OPRK1: variants seen among roughly 807,000 people sequenced by gnomAD.
OPRK1 encodes the protein kappa-type opioid receptor.
OPRK1 carries 15 observed loss-of-function variants against 24.5 expected under a neutral mutation model. The observed-to-expected ratio is 0.61, with a 90% CI of 0.41 to 0.94. The LOEUF (loss-of-function observed/expected upper bound fraction) is 0.94, where lower values mean the gene tolerates loss of function less well. Ranked by LOEUF, OPRK1 falls within the 40% of genes least tolerant of loss-of-function variation. The pLI is 0.00. For missense variants in OPRK1, 479 were observed against 507.3 expected, an observed-to-expected ratio of 0.94 and a Z score of 0.54; for synonymous variants, 205 against 198.0, an observed-to-expected ratio of 1.04 and a Z score of -0.30.
intron 3 of OPRK1, among the ~76,000 whole-genome samples, chr8:53,232,806 A>G (rs1011946104): frequency 6.6e-6 from 1 of 152,232 alleles, no homozygotes; most frequent in African/African-American, 2.4e-5. Flanking sequence ...TTTGTTAAGA[A>G]TAATTGTTTC....
chr8:53,238,729 A>AG (rs1807051422), intron 2 of OPRK1: 85 of 985,254 alleles, frequency 8.6e-5, no homozygotes, highest in Non-Finnish European at 9.8e-5. Context: ...ATCTGCTGAG[A>AG]TGTCAGGAAC....
intron 2 of OPRK1, among the ~76,000 whole-genome samples, chr8:53,247,307 G>A (rs2128810388): frequency 6.6e-6 from 1 of 152,288 alleles, no homozygotes. Context: ...CAATGGTCAG[G>A]CCACTGGCAT....
chr8:53,232,112 C>G (rs1402680166), intron 3 of OPRK1, among the ~76,000 whole-genome samples: 1 of 151,924 alleles, frequency 6.6e-6, no homozygotes, highest in African/African-American at 2.4e-5. Context: ...TCACATTATG[C>G]TAAGGGGATC....
chr8:53,230,085 C>G (rs1018862645), intron 3 of OPRK1, among the ~76,000 whole-genome samples: 1 of 151,446 alleles, frequency 6.6e-6, no homozygotes, highest in African/African-American at 2.4e-5. Context: ...TTAAGATTAG[C>G]TGACAATCTT....
Position 53,229,039 on chromosome 8 carries a change from T to C in OPRK1, c.*258A>G. On this transcript the variant is annotated 3_prime_UTR_variant, in exon 4 of 4. Transcript: ENST00000265572. ...CAGAAGGAAAAGACCTGTTCCCTTG[T>C]TCATCAGAGGAACTGAGGCTCTGCC... The C allele has an allele frequency of 2.5e-6, 1 of 397,026 alleles. No homozygotes were observed. The highest frequency in any genetic ancestry group is 4.5e-6 in the Non-Finnish European group (1 of 220,902). 24.6% of individuals were successfully genotyped at this position (397,026 alleles called of 1,614,324 possible).
intron 2 of OPRK1, among the ~76,000 whole-genome samples, chr8:53,237,539 G>C (rs1204611832): frequency 1.3e-5 from 2 of 152,152 alleles, no homozygotes; most frequent in African/African-American, 4.8e-5. Context: ...CCCAAGCTTT[G>C]TCTCAATTCA....
chr8:53,250,353 T>C (rs1046410025), intron 2 of OPRK1, among the ~76,000 whole-genome samples: 6 of 152,178 alleles, frequency 3.9e-5, no homozygotes, highest in African/African-American at 1.4e-4. Flanking sequence ...TTGGGTGGGC[T>C]TGAAATTTAT....
In OPRK1 at chr8:53,228,921, T is replaced by C. The variant is rs1806781486; in HGVS notation, c.*376A>G. The C allele has an allele frequency of 6.0e-6, 1 of 168,010 alleles. No homozygotes were observed. Among genetic ancestry groups the C allele is most frequent in the African/African-American group, 2.4e-5 (1 of 41,832 alleles). 10.4% of individuals were successfully genotyped at this position (168,010 alleles called of 1,614,324 possible). A position where few individuals can be genotyped will look rare whatever the true frequency, so the allele number is the denominator to read the frequency against. ...TGCCCATTGAGCTCTGAAAGCAATGTTTTTTCTTTTCCTTTTTTCTTAAAC... is the reference window on the plus strand; with the variant it reads ...TGCCCATTGAGCTCTGAAAGCAATGCTTTTTCTTTTCCTTTTTTCTTAAAC... On this transcript the variant is annotated 3_prime_UTR_variant, in exon 4 of 4. Transcript: ENST00000265572.
intron 2 of OPRK1, among the ~76,000 whole-genome samples, chr8:53,241,387 G>T (rs1807113696): frequency 6.6e-6 from 1 of 151,972 alleles, no homozygotes; most frequent in South Asian, 2.1e-4. Flanking sequence ...TTTTTCTAAA[G>T]GGGCAGTAGT....
intron 2 of OPRK1, among the ~76,000 whole-genome samples, chr8:53,242,253 C>A (rs1160811564): frequency 6.6e-6 from 1 of 152,170 alleles, no homozygotes; most frequent in African/African-American, 2.4e-5. Context: ...CAGGAAGCAA[C>A]CCAGCCAGGC....
intron 2 of OPRK1, chr8:53,238,400 G>A (rs1028534673): frequency 5.0e-5 from 16 of 317,476 alleles, no homozygotes; most frequent in South Asian, 1.2e-4. Context: ...GGAGCATATG[G>A]TATGAAAAGA....
Position 53,229,520 on chromosome 8 carries a change from G to C in OPRK1, c.920C>G (p.Ala307Gly), listed in dbSNP as rs900636462. 1.2e-5 allele frequency: 20 copies of C among 1,614,120 alleles called. No homozygotes were observed. Among genetic ancestry groups the C allele is most frequent in the Non-Finnish European group, 1.7e-5 (20 of 1,180,050 alleles). ...EALGSTSHST[A>G]ALSSYYFCIA... is the part of the protein sequence containing the mutation. ...GCAGAAGTAATAGCTGGAGAGAGCAGCTGTGCTGTGGGAGGTGCTCCCCAG... is the reference window on the plus strand; with the variant it reads ...GCAGAAGTAATAGCTGGAGAGAGCACCTGTGCTGTGGGAGGTGCTCCCCAG... The change falls in exon 4 of 4, where the codon GCT becomes GGT. Residue 307 changes from alanine to glycine, a missense_variant. Ala to Gly is a moderately conservative substitution (Grantham distance 60, BLOSUM62 0). Transcript: ENST00000265572.
chr8:53,232,835 T>C (rs1010382205), intron 3 of OPRK1, among the ~76,000 whole-genome samples: 1 of 152,206 alleles, frequency 6.6e-6, no homozygotes, highest in Non-Finnish European at 1.5e-5. Flanking sequence ...GCGATTATAA[T>C]AATTCTTAGC....
Position 53,229,806 on chromosome 8 carries a change from A to C in OPRK1, c.634T>G (p.Leu212Val), listed in dbSNP as rs1214799403. ...REDVDVIECS[L>V]QFPDDDYSWW... ...GAGTAGTCATCATCTGGGAACTGCA[A>C]GGAGCACTCAATGACATCGACGTCT... The change falls in exon 4 of 4, where the codon TTG becomes GTG. Residue 212 changes from leucine to valine, a missense_variant. Coordinates refer to ENST00000265572, the MANE Select transcript of OPRK1 (RefSeq NM_000912.5). 1.9e-6 allele frequency: 3 copies of C among 1,580,286 alleles called. No homozygotes were observed. In the East Asian group the frequency reaches 6.7e-5, roughly 36 times the overall value.
intron 2 of OPRK1, among the ~76,000 whole-genome samples, chr8:53,241,548 G>A (rs1478403205): frequency 6.6e-6 from 1 of 151,198 alleles, no homozygotes; most frequent in Admixed American, 6.6e-5. Context: ...AAAAAGAAAA[G>A]GAAAGGGAAA....
In OPRK1 at chr8:53,239,201, AT is replaced by A. The variant is rs200724547; in HGVS notation, c.258-4091del. Among the ~76,000 whole-genome samples, 1,494 of 152,010 alleles carry A rather than the reference AT, an allele frequency of 9.8e-3. 23 individuals are homozygous for A. Among genetic ancestry groups the A allele is most frequent in the Middle Eastern group, 0.045 (13 of 292 alleles). On this transcript the variant is annotated intron_variant, in intron 2 of 3. Coordinates refer to ENST00000265572, the MANE Select transcript of OPRK1 (RefSeq NM_000912.5). ...GCCCCTCCTCTGTCTTTACTCTTTC[AT>A]TTCCCTACCCCATAAGTAGCAATAT...
chr8:53,229,885 G>A, intron 3 of OPRK1, 56 bp from the exon 4 acceptor site: 1 of 1,462,510 alleles, frequency 6.8e-7, no homozygotes, highest in African/African-American at 1.4e-5. Flanking sequence ...TATTACCGTG[G>A]CTGCAAAGTG....
rs767911838 is a variant in OPRK1, at chr8:53,247,990, C to CAAAAA, written c.257+2786_257+2790dup. On this transcript the variant is annotated intron_variant, in intron 2 of 3. Transcript: ENST00000265572. The stretch of plus-strand genomic sequence containing the variant: ...TGGGCAATAGAGCCAGATTCTGTCT[C>CAAAAA]AAAAAAAAAAAAAAAAAAAAAAAAA... Among the ~76,000 whole-genome samples the CAAAAA allele has an allele frequency of 1.3e-3, 41 of 32,360 alleles. 2 individuals are homozygous for CAAAAA. Among genetic ancestry groups the CAAAAA allele is most frequent in the African/African-American group, 2.9e-3 (25 of 8,654 alleles). The allele number at this position is 32,360 out of a possible 152,430, so 21.2% of individuals were successfully genotyped here. A position where few individuals can be genotyped will look rare whatever the true frequency, so the allele number is the denominator to read the frequency against.
chr8:53,235,165 G>A, intron 2 of OPRK1, 54 bp from the exon 3 acceptor site: 1 of 1,461,442 alleles, frequency 6.8e-7, no homozygotes, highest in South Asian at 1.2e-5. Context: ...AAACCCATAA[G>A]GTGAATGTGT....
Sources: allele counts gnomAD v4.1 joint callset (sites outside exome capture counted in the v4.1 genomes callset), GRCh38; gene constraint gnomAD v4.1.1; transcripts MANE v1.5; gene names NCBI Gene and HGNC (gene_info 2026-07-23, HGNC 2026-07-21).